MYO16: variants seen among roughly 807,000 people sequenced by gnomAD.
MYO16 encodes myosin XVI.
In MYO16, 94 loss-of-function variants were observed where a neutral mutation model predicts 205.3. The ratio of observed to expected loss-of-function variants is 0.46; its 90% CI spans 0.39 to 0.54. The LOEUF (loss-of-function observed/expected upper bound fraction) is 0.54. Ranked by LOEUF, MYO16 falls within the 20% of genes least tolerant of loss-of-function variation. MYO16 has a pLI of 0.00. For synonymous variants in MYO16, 988 were observed against 954.0 expected, an observed-to-expected ratio of 1.04 and a Z score of -0.66; for missense variants, 2,315 against 2,387.5, an observed-to-expected ratio of 0.97 and a Z score of 0.63.
chr13:108,722,833 G>A (rs1884212749), intron 3 of MYO16, among the ~76,000 whole-genome samples: 1 of 152,090 alleles, frequency 6.6e-6, no homozygotes, highest in Admixed American at 6.6e-5. Flanking sequence ...AGGGGATGGG[G>A]CCTCAGTTCA....
intron 23 of MYO16, among the ~76,000 whole-genome samples, chr13:109,041,490 A>G (rs1346663609): frequency 6.6e-6 from 1 of 152,238 alleles, no homozygotes; most frequent in Non-Finnish European, 1.5e-5. Context: ...AAAGCATGTT[A>G]CACATAGGTT....
the MYO16 span, among the ~76,000 whole-genome samples, chr13:108,582,106 A>G: frequency 6.6e-6 from 1 of 152,182 alleles, no homozygotes; most frequent in East Asian, 1.9e-4. Context: ...TGAAGAAAAG[A>G]TTTTCCTAAT....
chr13:108,857,073 C>A (rs897039326), intron 11 of MYO16, among the ~76,000 whole-genome samples: 3 of 152,192 alleles, frequency 2.0e-5, no homozygotes, highest in Non-Finnish European at 4.4e-5. Context: ...CTTCCTGCAT[C>A]AAGGACTTTC....
the MYO16 span, among the ~76,000 whole-genome samples, chr13:108,525,894 T>C: frequency 6.6e-6 from 1 of 152,180 alleles, no homozygotes; most frequent in Non-Finnish European, 1.5e-5. Flanking sequence ...TTTTTTTTCT[T>C]GTTTTAAGTG....
At chr13:109,021,660 A>T (rs1446516874) in intron 23 of MYO16, among the ~76,000 whole-genome samples, 1 of 152,162 alleles carries the variant, frequency 6.6e-6, no homozygotes, top group African/African-American at 2.4e-5. Flanking sequence ...ATTCCAACAC[A>T]GCACCTACCT....
At chr13:108,639,199 G>A (rs1238167640) in intron 1 of MYO16, among the ~76,000 whole-genome samples, 1 of 152,124 alleles carries the variant, frequency 6.6e-6, no homozygotes, top group Non-Finnish European at 1.5e-5. Context: ...AATGGGAGAA[G>A]CCTTGAAATA....
intron 6 of MYO16, among the ~76,000 whole-genome samples, chr13:108,801,001 G>T (rs1348878903): frequency 6.6e-6 from 1 of 152,126 alleles, no homozygotes; most frequent in African/African-American, 2.4e-5. Context: ...TAATATCGTT[G>T]ATTATGTCAG....
intron 23 of MYO16, among the ~76,000 whole-genome samples, chr13:109,023,704 T>TATATAGACAAATATATGTATATATGC (rs1886237639): frequency 9.6e-6 from 1 of 104,378 alleles, no homozygotes; most frequent in Non-Finnish European, 2.0e-5. Context: ...TGTATATATG[T>TATATAGACAAATATATGTATATATGC]ATATATACAA....
rs1594506921 is a variant in MYO16, at chr13:109,055,250, C to T, written c.3129+124C>T. The stretch of plus-strand genomic sequence containing the variant: ...TCTTCACAAAAAAAGTAAACATACA[C>T]ACACACACACACACACACACACACA... On this transcript the variant is annotated intron_variant, in intron 26 of 34. Coordinates refer to ENST00000457511, the MANE Select transcript of MYO16 (RefSeq NM_001198950.3). The surrounding 1 kb of genome is among the most constrained non-coding windows in gnomAD (Gnocchi z 5.0). The T allele has an allele frequency of 8.3e-5, 32 of 384,500 alleles. No individual in the cohort carries two copies. The South Asian group carries it at 9.2e-4, about 11-fold the overall frequency. 23.8% of individuals were successfully genotyped at this position (384,500 alleles called of 1,614,324 possible).
At chr13:109,093,277 C>T (rs1888675820) in intron 27 of MYO16, among the ~76,000 whole-genome samples, 1 of 152,170 alleles carries the variant, frequency 6.6e-6, no homozygotes, top group Non-Finnish European at 1.5e-5. Flanking sequence ...GAGCGTCTAA[C>T]ATAACACAGC....
chr13:108,536,918 T>G, the MYO16 span, among the ~76,000 whole-genome samples: 4 of 152,092 alleles, frequency 2.6e-5, no homozygotes, highest in African/African-American at 7.2e-5. Context: ...CAAATAGTGT[T>G]GTTGAGATTC....
intron 34 of MYO16, among the ~76,000 whole-genome samples, chr13:109,206,276 G>C (rs1388426954): frequency 6.6e-6 from 1 of 152,144 alleles, no homozygotes; most frequent in Non-Finnish European, 1.5e-5. Flanking sequence ...TAAATGAAGA[G>C]AAAGTACAAG....
chr13:108,883,784 C>T (rs983586809), intron 13 of MYO16, among the ~76,000 whole-genome samples: 15 of 152,038 alleles, frequency 9.9e-5, no homozygotes, highest in African/African-American at 3.1e-4. Context: ...TGCCACCACA[C>T]TTGGCTAATT....
chr13:108,548,219 G>A, the MYO16 span, among the ~76,000 whole-genome samples: 8 of 150,162 alleles, frequency 5.3e-5, no homozygotes, highest in African/African-American at 1.7e-4. Flanking sequence ...GATGATGATG[G>A]TGGTGGTGGT....
At chr13:108,923,823 A>G (rs558742298) in intron 16 of MYO16, among the ~76,000 whole-genome samples, 2 of 152,270 alleles carry the variant, frequency 1.3e-5, no homozygotes, top group East Asian at 3.9e-4. Flanking sequence ...AACCTCATCA[A>G]CAAGCATACG....
intron 12 of MYO16, 61 bp from the exon 13 acceptor site, chr13:108,882,998 G>A: frequency 1.9e-6 from 3 of 1,591,076 alleles, no homozygotes; most frequent in Admixed American, 1.7e-5. Context: ...CTCATTATGG[G>A]ATGAGGAATA....
intron 2 of MYO16, among the ~76,000 whole-genome samples, chr13:108,690,966 T>G (rs1443205930): frequency 6.6e-6 from 1 of 152,216 alleles, no homozygotes; most frequent in Non-Finnish European, 1.5e-5. Flanking sequence ...CTAAGCTTCT[T>G]CATGTTCTGA....
intron 4 of MYO16, among the ~76,000 whole-genome samples, chr13:108,763,787 T>TTGTG (rs56115831): frequency 0.054 from 7,762 of 142,578 alleles, 257 homozygotes; most frequent in East Asian, 0.16. Flanking sequence ...AGAAAAGGAG[T>TTGTG]TGTGTGTGTG....
At chr13:108,554,807 G>GTGAGC in the MYO16 span, among the ~76,000 whole-genome samples, 4 of 134,850 alleles carry the variant, frequency 3.0e-5, no homozygotes, top group Admixed American at 3.5e-4. Context: ...CTGAGATCGA[G>GTGAGC]CCACTGCACT....
Sources: gnomAD v4.1 joint callset for allele counts (sites outside exome capture counted in the v4.1 genomes callset) on GRCh38, gnomAD v4.1.1 for gene constraint, Gnocchi (gnomAD v3.1) non-coding constraint, MANE v1.5 for transcripts, NCBI Gene and HGNC (gene_info 2026-07-23, HGNC 2026-07-21) for gene names.